SPAG16: variants seen among roughly 807,000 people sequenced by gnomAD.
SPAG16 encodes sperm associated antigen 16, also known as sperm-associated antigen 16 protein.
A neutral mutation model predicts 80.4 loss-of-function variants in SPAG16; 86 were observed. The ratio of observed to expected loss-of-function variants is 1.07; its 90% CI spans 0.90 to 1.28. SPAG16 has a LOEUF of 1.28. Among genes scored for constraint, SPAG16 ranks in the 50% most tolerant of loss-of-function variants. The pLI, the probability that SPAG16 is intolerant of heterozygous loss-of-function variation, is 0.00. For missense variants in SPAG16, 870 were observed against 765.3 expected, an observed-to-expected ratio of 1.14 and a Z score of -1.61; for synonymous variants, 294 against 265.9, an observed-to-expected ratio of 1.11 and a Z score of -1.03.
At chr2:213,812,293 G>C (rs2072210629) in intron 10 of SPAG16, among the ~76,000 whole-genome samples, 1 of 152,132 alleles carries the variant, frequency 6.6e-6, no homozygotes, top group Non-Finnish European at 1.5e-5. Context: ...GTAGAGCAAA[G>C]TTTTAAGGGC....
intron 13 of SPAG16, among the ~76,000 whole-genome samples, chr2:214,023,990 A>G (rs868591357): frequency 2.3e-4 from 35 of 151,700 alleles, no homozygotes; most frequent in African/African-American, 8.0e-4. Flanking sequence ...GGTAAAAATA[A>G]TTTCTTTATA....
At chr2:213,900,753 A>G (rs142615242) in intron 11 of SPAG16, among the ~76,000 whole-genome samples, 113 of 152,066 alleles carry the variant, frequency 7.4e-4, no homozygotes, top group Non-Finnish European at 1.1e-3. Flanking sequence ...TTCCTCTCCT[A>G]TTTTTACATT....
chr2:214,312,851 C>T (rs563181388), intron 15 of SPAG16, among the ~76,000 whole-genome samples: 1 of 152,160 alleles, frequency 6.6e-6, no homozygotes, highest in Non-Finnish European at 1.5e-5. Flanking sequence ...TGGACTTTCC[C>T]TTTCTTGCTT....
At chr2:213,874,626 A>G (rs1012292646) in intron 11 of SPAG16, among the ~76,000 whole-genome samples, 22 of 152,176 alleles carry the variant, frequency 1.4e-4, no homozygotes, top group African/African-American at 5.1e-4. Context: ...ATGTGTAGCC[A>G]TATGGCATTA....
chr2:213,995,002 T>C (rs2046450308), intron 12 of SPAG16, among the ~76,000 whole-genome samples: 1 of 152,202 alleles, frequency 6.6e-6, no homozygotes, highest in African/African-American at 2.4e-5. Context: ...TGGTATTTAT[T>C]ATTGTATTTT....
At chr2:213,322,414 A>C (rs1402587580) in intron 5 of SPAG16, among the ~76,000 whole-genome samples, 2 of 150,000 alleles carry the variant, frequency 1.3e-5, no homozygotes, top group African/African-American at 2.4e-5. Flanking sequence ...GAACTTTAAC[A>C]TCTTGCAGTC....
intron 10 of SPAG16, among the ~76,000 whole-genome samples, chr2:213,842,045 C>T (rs6758256): frequency 0.35 from 52,886 of 151,916 alleles, 9,853 homozygotes; most frequent in East Asian, 0.52. Flanking sequence ...AGGTGTGCAT[C>T]ATGTAAACCT....
At chr2:213,450,341 C>A (rs1402648913) in intron 9 of SPAG16, among the ~76,000 whole-genome samples, 1 of 152,126 alleles carries the variant, frequency 6.6e-6, no homozygotes, top group South Asian at 2.1e-4. Flanking sequence ...AGAAAAGAAA[C>A]TGTTTATTGA....
chr2:213,427,110 AATG>A (rs1223112086), intron 9 of SPAG16, among the ~76,000 whole-genome samples: 8 of 152,152 alleles, frequency 5.3e-5, no homozygotes, highest in Non-Finnish European at 8.8e-5. Context: ...AAGTAAAAAT[AATG>A]ATAATAATAC....
intron 7 of SPAG16, among the ~76,000 whole-genome samples, chr2:213,357,335 T>A (rs1159817549): frequency 6.6e-6 from 1 of 152,190 alleles, no homozygotes; most frequent in African/African-American, 2.4e-5. Flanking sequence ...CTCGTTGATC[T>A]GTCTAATATT....
intron 10 of SPAG16, among the ~76,000 whole-genome samples, chr2:213,513,977 A>G (rs917031277): frequency 6.6e-6 from 1 of 152,190 alleles, no homozygotes; most frequent in African/African-American, 2.4e-5. Flanking sequence ...TTGAGCAACC[A>G]GACAAAATTA....
chr2:213,591,907 G>A (rs1207383336), intron 10 of SPAG16, among the ~76,000 whole-genome samples: 3 of 152,184 alleles, frequency 2.0e-5, no homozygotes, highest in Non-Finnish European at 1.5e-5. Context: ...CTAGCATGAA[G>A]CAGTATTCTT....
At chr2:214,202,471 T>A (rs2058036752) in intron 15 of SPAG16, among the ~76,000 whole-genome samples, 1 of 152,168 alleles carries the variant, frequency 6.6e-6, no homozygotes, top group Admixed American at 6.5e-5. Flanking sequence ...GGTATATTAA[T>A]ACTAGGAAAG....
intron 10 of SPAG16, among the ~76,000 whole-genome samples, chr2:213,772,297 CCT>C (rs1427514422): frequency 1.3e-5 from 2 of 151,938 alleles, no homozygotes; most frequent in Non-Finnish European, 2.9e-5. Flanking sequence ...GATTTTGTAC[CCT>C]GAGACCACCC....
intron 10 of SPAG16, among the ~76,000 whole-genome samples, chr2:213,561,420 T>C (rs968299293): frequency 2.6e-5 from 4 of 152,176 alleles, no homozygotes; most frequent in African/African-American, 9.7e-5. Context: ...ACTAAGAGTA[T>C]ATTGGAATGT....
In SPAG16 at chr2:214,334,599, C is replaced by A. The variant is rs557498298; in HGVS notation, c.1721-75541C>A. Among the ~76,000 whole-genome samples the A allele has an allele frequency of 7.9e-5, 12 of 152,298 alleles. No individual in the cohort carries two copies. In the East Asian group the frequency reaches 2.1e-3, roughly 27 times the overall value. ...AATATCATAGGTTGTCAAGGAGATC[C>A]TCTGATTAGTTACCCTCAGCCTTTT... On this transcript the variant is annotated intron_variant, in intron 15 of 15. Coordinates refer to ENST00000331683, the MANE Select transcript of SPAG16 (RefSeq NM_024532.5).
At chr2:213,859,501 C>T (rs1229675538) in intron 10 of SPAG16, among the ~76,000 whole-genome samples, 2 of 151,966 alleles carry the variant, frequency 1.3e-5, no homozygotes, top group Non-Finnish European at 2.9e-5. Context: ...TTCTTTACCT[C>T]AGGGCTTAAT....
intron 15 of SPAG16, among the ~76,000 whole-genome samples, chr2:214,258,487 A>ATATATATATATATATG (rs1559161026): frequency 6.8e-6 from 1 of 147,136 alleles, no homozygotes; most frequent in African/African-American, 2.6e-5. Flanking sequence ...ATATATATAT[A>ATATATATATATATATG]TATACACACA....
At chr2:214,033,689 T>G (rs7577124) in intron 13 of SPAG16, among the ~76,000 whole-genome samples, 43,763 of 152,100 alleles carry the variant, frequency 0.29, 6,731 homozygotes, top group Non-Finnish European at 0.33. Flanking sequence ...TTACTATTTT[T>G]TTTTATATTT....
Sources: gnomAD v4.1 joint callset for allele counts (sites outside exome capture counted in the v4.1 genomes callset) on GRCh38, gnomAD v4.1.1 for gene constraint, MANE v1.5 for transcripts, NCBI Gene and HGNC (gene_info 2026-07-23, HGNC 2026-07-21) for gene names.